The following MACROD1 variants were observed in gnomAD, a reference collection of about 807,000 sequenced individuals.
The protein encoded by MACROD1 is ADP-ribose glycohydrolase MACROD1.
MACROD1 carries 31 observed loss-of-function variants against 41.4 expected under a neutral mutation model. That is an observed-to-expected ratio of 0.75 (90% CI 0.56 to 1.01). The LOEUF (loss-of-function observed/expected upper bound fraction) is 1.01. MACROD1 is among the 50% of genes least tolerant of loss of function. The pLI is 0.00. For synonymous variants in MACROD1, 252 were observed against 203.4 expected (o/e 1.24, Z -2.03); for missense variants, 473 against 460.0 (o/e 1.03, Z -0.26).
chr11:64,073,687 C>T (rs960360225), intron 3 of MACROD1, among the ~76,000 whole-genome samples: 6 of 152,294 alleles, frequency 3.9e-5, no homozygotes, highest in East Asian at 1.9e-4. Context: ...AGATGGCATG[C>T]GAGAGTGTGC....
At chr11:64,110,101 A>C (rs1944833849) in intron 3 of MACROD1, among the ~76,000 whole-genome samples, 1 of 152,148 alleles carries the variant, frequency 6.6e-6, no homozygotes, top group Non-Finnish European at 1.5e-5. Context: ...TATTATGACC[A>C]CATTTATAGA....
At chr11:64,116,521 C>A in intron 3 of MACROD1, 4 of 1,614,064 alleles carry the variant, frequency 2.5e-6, no homozygotes, top group Non-Finnish European at 3.4e-6. Flanking sequence ...GATGCCACCA[C>A]CCTCTACCTG....
At chr11:64,117,826 A>G in intron 3 of MACROD1, 1 of 1,614,214 alleles carries the variant, frequency 6.2e-7, no homozygotes, top group Non-Finnish European at 8.5e-7. Context: ...GTAGCTGATG[A>G]GACACCCGTG....
intron 3 of MACROD1, among the ~76,000 whole-genome samples, chr11:64,114,488 A>AATGG (rs1322243261): frequency 1.3e-4 from 12 of 92,250 alleles, no homozygotes; most frequent in Admixed American, 3.2e-4. Flanking sequence ...GGGATGGTTG[A>AATGG]ATGGATGGAT....
intron 3 of MACROD1, among the ~76,000 whole-genome samples, chr11:64,065,538 C>T (rs1409899348): frequency 6.6e-6 from 1 of 152,086 alleles, no homozygotes; most frequent in East Asian, 1.9e-4. Flanking sequence ...GCCTGTAATC[C>T]CAGCACTTTG....
Position 64,090,152 on chromosome 11 carries a change from C to T in MACROD1, c.517+61087G>A, listed in dbSNP as rs1944464113. Among the ~76,000 whole-genome samples, 1 of 152,174 alleles carries T rather than the reference C, an allele frequency of 6.6e-6. No individual in the cohort carries two copies. Among genetic ancestry groups the T allele is most frequent in the Admixed American group, 6.5e-5 (1 of 15,286 alleles). On this transcript the variant is annotated intron_variant, in intron 3 of 10. Coordinates refer to ENST00000255681, the MANE Select transcript of MACROD1 (RefSeq NM_014067.4). The surrounding 1 kb of genome is among the most constrained non-coding windows in gnomAD (Gnocchi z 4.7). Reference sequence around the variant, plus strand: ...TCCCCACGGGGCTAGGGACTCATCTCTGCCTGTCTTCCCAGGCCCCAGGTT... The same window carrying T: ...TCCCCACGGGGCTAGGGACTCATCTTTGCCTGTCTTCCCAGGCCCCAGGTT...
chr11:64,051,317 T>C (rs1334008896), intron 3 of MACROD1, among the ~76,000 whole-genome samples: 1 of 152,228 alleles, frequency 6.6e-6, no homozygotes, highest in African/African-American at 2.4e-5. Flanking sequence ...GACACCTGCC[T>C]TGACGGCCCT....
intron 3 of MACROD1, among the ~76,000 whole-genome samples, chr11:64,101,697 T>C (rs1044674710): frequency 6.6e-6 from 1 of 152,176 alleles, no homozygotes; most frequent in African/African-American, 2.4e-5. Context: ...CCGGCCGCCC[T>C]CCCGCCGCGT....
At position 64,042,114 on chromosome 11, in the gene MACROD1, C is replaced by A. The variant is rs1296979410; in HGVS notation, c.518-26833G>T. On this transcript the variant is annotated intron_variant, in intron 3 of 10. Transcript: ENST00000255681. The stretch of plus-strand genomic sequence containing the variant: ...GGTGGCCCAGTCCAGTGGGACCAGG[C>A]GGGAGGGGGAGACAGATGTGCACCA... Among the ~76,000 whole-genome samples, 5 of 152,130 alleles carry A rather than the reference C, an allele frequency of 3.3e-5. No homozygotes were observed. In the South Asian group the frequency reaches 8.3e-4, roughly 25 times the overall value.
At chr11:64,083,737 G>A (rs1217768001) in intron 3 of MACROD1, among the ~76,000 whole-genome samples, 1 of 152,232 alleles carries the variant, frequency 6.6e-6, no homozygotes, top group African/African-American at 2.4e-5. Context: ...CTGCTAGTGT[G>A]TGGAATGGGG....
chr11:64,015,318 A>G, intron 3 of MACROD1, 37 bp from the exon 4 acceptor site: 1 of 1,591,940 alleles, frequency 6.3e-7, no homozygotes, highest in South Asian at 1.1e-5. Context: ...TCAGTGGGGA[A>G]GGGGCTGCGG....
intron 3 of MACROD1, chr11:64,116,377 T>A (rs1944981360): frequency 6.2e-7 from 1 of 1,613,614 alleles, no homozygotes; most frequent in Admixed American, 1.7e-5. Flanking sequence ...TGGCTGTTCC[T>A]CTGCTACGGG....
At chr11:64,112,710 G>A (rs1944884479) in intron 3 of MACROD1, among the ~76,000 whole-genome samples, 3 of 152,190 alleles carry the variant, frequency 2.0e-5, no homozygotes, top group Non-Finnish European at 4.4e-5. Flanking sequence ...AGAGAGCACA[G>A]CACTTGCAAG....
chr11:64,005,349 C>T (rs1942893398), intron 4 of MACROD1, among the ~76,000 whole-genome samples: 2 of 152,244 alleles, frequency 1.3e-5, no homozygotes, highest in Admixed American at 1.3e-4. Flanking sequence ...TATTAACCCT[C>T]ATCGTACAGA....
intron 3 of MACROD1, among the ~76,000 whole-genome samples, chr11:64,136,480 G>T (rs1169723339): frequency 2.0e-5 from 3 of 152,238 alleles, no homozygotes; most frequent in Non-Finnish European, 2.9e-5. Context: ...GTTGGCAGCT[G>T]CAAGGCTGGG....
In MACROD1 at chr11:64,062,778, T is replaced by A. The variant is rs532901196; in HGVS notation, c.518-47497A>T. ...CCACCCCAAAACCAGGCCGGGCAGG[T>A]CTGGGGTGCCTGGCTTTATCAGGTG... is the stretch of plus-strand genomic sequence containing the variant. On this transcript the variant is annotated intron_variant, in intron 3 of 10. Transcript: ENST00000255681. Among the ~76,000 whole-genome samples the A allele has an allele frequency of 1.3e-3, 194 of 152,208 alleles. 1 individual carries two copies. Among genetic ancestry groups the A allele is most frequent in the African/African-American group, 4.6e-3 (191 of 41,526 alleles).
chr11:64,125,450 C>T (rs887502759), intron 3 of MACROD1, among the ~76,000 whole-genome samples: 3 of 152,214 alleles, frequency 2.0e-5, no homozygotes, highest in Non-Finnish European at 2.9e-5. Flanking sequence ...CTGCCACCAA[C>T]GGAACGAGGC....
chr11:64,140,935 G>A (rs1001364609), intron 3 of MACROD1, among the ~76,000 whole-genome samples: 9 of 152,178 alleles, frequency 5.9e-5, no homozygotes, highest in African/African-American at 2.2e-4. Context: ...AGGAGTTTGA[G>A]ACCAGCCTGG....
intron 3 of MACROD1, chr11:64,117,920 G>T: frequency 6.2e-7 from 1 of 1,613,896 alleles, no homozygotes; most frequent in Non-Finnish European, 8.5e-7. Flanking sequence ...TGGCGAGCCT[G>T]CCCCTGGCGG....
Sources: gnomAD v4.1 joint callset for allele counts (sites outside exome capture counted in the v4.1 genomes callset) on GRCh38, gnomAD v4.1.1 for gene constraint, Gnocchi (gnomAD v3.1) non-coding constraint, MANE v1.5 for transcripts, NCBI Gene and HGNC (gene_info 2026-07-23, HGNC 2026-07-21) for gene names.